ANKRD11: variants seen among roughly 807,000 people sequenced by gnomAD.
ANKRD11 encodes the protein ankyrin repeat domain-containing protein 11.
ANKRD11 carries 17 observed loss-of-function variants against 195.7 expected under a neutral mutation model. The observed-to-expected ratio is 0.09, with a 90% CI of 0.06 to 0.13. The LOEUF is 0.13. Ranked by LOEUF, ANKRD11 falls within the 10% of genes least tolerant of loss-of-function variation. The probability of loss-of-function intolerance (pLI) is 1.00; values close to 1 mark genes in which losing one functional copy is unlikely to be tolerated. For synonymous variants in ANKRD11, 1,953 were observed against 1,528.1 expected, an observed-to-expected ratio of 1.28 and a Z score of -6.49; for missense variants, 3,735 against 3,566.1, an observed-to-expected ratio of 1.05 and a Z score of -1.21.
chr16:89,392,670 G>A (rs981979209), intron 2 of ANKRD11: 1 of 149,886 alleles, frequency 6.7e-6, no homozygotes, highest in East Asian at 2.0e-4. Context: ...AATGCACTTC[G>A]GATGTCAGCC....
At chr16:89,305,675 TCCGCAGACACGCGCC>T (rs1567615155) in intron 3 of ANKRD11, among the ~76,000 whole-genome samples, 544 of 35,250 alleles carry the variant, frequency 0.015, 6 homozygotes, top group Middle Eastern at 0.029. Context: ...TACCTCCCAC[TCCGCAGACACGCGCC>T]ACCTCCCACT....
chr16:89,407,920 T>C (rs1248341999), intron 2 of ANKRD11, among the ~76,000 whole-genome samples: 3 of 150,894 alleles, frequency 2.0e-5, no homozygotes, highest in East Asian at 1.9e-4. Context: ...TAAAACTCAG[T>C]CTTCCATTAA....
At chr16:89,310,350 G>C (rs960689376) in intron 3 of ANKRD11, among the ~76,000 whole-genome samples, 4 of 152,254 alleles carry the variant, frequency 2.6e-5, no homozygotes, top group African/African-American at 9.6e-5. Flanking sequence ...TGTAGCTTTA[G>C]AGGAAGCAAT....
At chr16:89,456,293 A>G (rs545557126) in intron 1 of ANKRD11, among the ~76,000 whole-genome samples, 1 of 152,034 alleles carries the variant, frequency 6.6e-6, no homozygotes, top group South Asian at 2.1e-4. Context: ...TCATGCCTGT[A>G]ATCCCAGCAC....
chr16:89,313,556 T>C (rs1347329351), intron 3 of ANKRD11: 2 of 1,289,082 alleles, frequency 1.6e-6, no homozygotes, highest in Non-Finnish European at 2.0e-6. Flanking sequence ...CTTCCACGTA[T>C]ATGTCACTGA....
At chr16:89,459,806 G>A (rs1358158771) in intron 1 of ANKRD11, among the ~76,000 whole-genome samples, 1 of 152,060 alleles carries the variant, frequency 6.6e-6, no homozygotes, top group Non-Finnish European at 1.5e-5. Flanking sequence ...TGGTGGTCGT[G>A]CCTGCAGTCC....
chr16:89,460,109 G>A (rs901695438), intron 1 of ANKRD11, among the ~76,000 whole-genome samples: 3 of 151,604 alleles, frequency 2.0e-5, no homozygotes, highest in Non-Finnish European at 2.9e-5. Flanking sequence ...GTGGTGGTGT[G>A]CGCCTGTAAT....
chr16:89,385,144 G>A (rs566814439), intron 2 of ANKRD11, among the ~76,000 whole-genome samples: 7 of 151,656 alleles, frequency 4.6e-5, no homozygotes, highest in Admixed American at 2.6e-4. Flanking sequence ...CCAAAGTGCT[G>A]GGATTACAGG....
At chr16:89,336,652 C>T (rs954222999) in intron 2 of ANKRD11, among the ~76,000 whole-genome samples, 5 of 152,170 alleles carry the variant, frequency 3.3e-5, no homozygotes, top group African/African-American at 4.8e-5. Flanking sequence ...CCACACCCCC[C>T]GGGTGGGCCA....
rs747251889 is a variant in ANKRD11 at position 89,285,285 on chromosome 16, G to A, written c.1257C>T (p.Thr419=). 44 of 1,613,824 alleles carry A rather than the reference G, an allele frequency of 2.7e-5. No homozygotes were observed. The highest frequency in any genetic ancestry group is 1.2e-4 in the Admixed American group (7 of 60,024). The part of the protein sequence containing the change: ...DTSDEEDASV[T]VGTGEKLRLS... ...GTCTCAGCTTCTCTCCTGTCCCCACGGTGACACTCGCGTCCTCCTCGTCCG... is the reference window on the plus strand; with the variant it reads ...GTCTCAGCTTCTCTCCTGTCCCCACAGTGACACTCGCGTCCTCCTCGTCCG... The change falls in exon 9 of 13, where the codon ACC becomes ACT. Residue 419 remains threonine (T), a synonymous_variant. Coordinates refer to ENST00000301030, the MANE Select transcript of ANKRD11 (RefSeq NM_013275.6). The surrounding 1 kb of genome is among the most constrained non-coding windows in gnomAD (Gnocchi z 5.6).
rs115364603 is a variant in ANKRD11 at position 89,410,910 on chromosome 16, G to A, written c.-60+7374C>T. Reference sequence around the variant, plus strand: ...TGTTCTACACAGAGCCTTATGTACTGGGCCACAGAATAAGCAGAGCTGGGC... The same window carrying A: ...TGTTCTACACAGAGCCTTATGTACTAGGCCACAGAATAAGCAGAGCTGGGC... On this transcript the variant is annotated intron_variant, in intron 2 of 12. Coordinates refer to ENST00000301030, the MANE Select transcript of ANKRD11 (RefSeq NM_013275.6). 9.0e-3 allele frequency among the ~76,000 whole-genome samples: 1,377 copies of A among 152,318 alleles called. 33 individuals carry two copies. Among genetic ancestry groups the A allele is most frequent in the African/African-American group, 0.031 (1,306 of 41,566 alleles).
intron 1 of ANKRD11, among the ~76,000 whole-genome samples, chr16:89,424,971 T>C (rs916615187): frequency 6.6e-6 from 1 of 152,074 alleles, no homozygotes; most frequent in African/African-American, 2.4e-5. Context: ...GACGTTCTAT[T>C]AAGGCCACAG....
At position 89,281,592 on chromosome 16, in the gene ANKRD11, T is replaced by C; in HGVS notation, c.4950A>G (p.Lys1650=). The change falls in exon 9 of 13, where the codon AAA becomes AAG. Residue 1650 remains lysine, a synonymous_variant. Coordinates refer to ENST00000301030, the MANE Select transcript of ANKRD11 (RefSeq NM_013275.6). The surrounding 1 kb of genome is among the most constrained non-coding windows in gnomAD (Gnocchi z 5.5). The part of the protein sequence containing the change: ...KKPPGLDPPF[K]DKKLKESTPI... Reference sequence around the variant, plus strand: ...GAGTCGACTCTTTGAGCTTTTTGTCTTTAAATGGAGGGTCCAGCCCCGGCG... The same window carrying C: ...GAGTCGACTCTTTGAGCTTTTTGTCCTTAAATGGAGGGTCCAGCCCCGGCG... 1 of 1,614,176 alleles carries C rather than the reference T, an allele frequency of 6.2e-7. No individual in the cohort carries two copies. The highest frequency in any genetic ancestry group is 1.1e-5 in the South Asian group (1 of 91,084).
intron 4 of ANKRD11, among the ~76,000 whole-genome samples, chr16:89,293,514 C>T (rs1464001520): frequency 6.1e-5 from 1 of 16,430 alleles, no homozygotes; most frequent in East Asian, 1.3e-3. Context: ...GGCTGCAGAG[C>T]GAGGAGGCGG....
At chr16:89,335,487 G>GTA (rs2038305280) in intron 2 of ANKRD11, among the ~76,000 whole-genome samples, 2 of 152,312 alleles carry the variant, frequency 1.3e-5, no homozygotes, top group South Asian at 4.1e-4. Context: ...AGTGGGTTAG[G>GTA]GCAGGTGCTC....
chr16:89,347,395 G>A (rs999334962), intron 2 of ANKRD11, among the ~76,000 whole-genome samples: 1 of 152,152 alleles, frequency 6.6e-6, no homozygotes, highest in African/African-American at 2.4e-5. Flanking sequence ...GGATCACGAG[G>A]TCAGGAGATC....
chr16:89,384,874 GTTTTCTTTTTTTTTTTTTT>G (rs2040831296), intron 2 of ANKRD11, among the ~76,000 whole-genome samples: 3 of 72,752 alleles, frequency 4.1e-5, no homozygotes, highest in African/African-American at 1.7e-4. Context: ...ATGAGAAATA[GTTTTCTTTTTTTTTTTTTT>G]TTTTTTTTTT....
rs138540270 is a variant in ANKRD11 at position 89,436,661 on chromosome 16, G to A, written c.-144-18293C>T. On this transcript the variant is annotated intron_variant, in intron 1 of 12. Coordinates refer to ENST00000301030, the MANE Select transcript of ANKRD11 (RefSeq NM_013275.6). Reference sequence around the variant, plus strand: ...CTTCCTGGAATAACTATTCCTCTAAGCTGCTCCTTCAGATACAAAATAAAA... The same window carrying A: ...CTTCCTGGAATAACTATTCCTCTAAACTGCTCCTTCAGATACAAAATAAAA... Among the ~76,000 whole-genome samples the A allele has an allele frequency of 1.1e-4, 17 of 152,328 alleles. No homozygotes were observed. In the East Asian group the frequency reaches 3.3e-3, roughly 29 times the overall value.
At chr16:89,364,150 C>T (rs1427263004) in intron 2 of ANKRD11, among the ~76,000 whole-genome samples, 1 of 152,170 alleles carries the variant, frequency 6.6e-6, no homozygotes, top group African/African-American at 2.4e-5. Flanking sequence ...AGCCCTGGAG[C>T]CTGGGTGTAC....
Sources: allele counts gnomAD v4.1 joint callset (sites outside exome capture counted in the v4.1 genomes callset), GRCh38; gene constraint gnomAD v4.1.1; non-coding constraint Gnocchi (gnomAD v3.1); transcripts MANE v1.5; gene names NCBI Gene and HGNC (gene_info 2026-07-23, HGNC 2026-07-21).